The following FZD4 variants were observed in gnomAD, a reference collection of about 807,000 sequenced individuals.
FZD4 encodes frizzled class receptor 4, also known as frizzled-4.
In FZD4, 16 loss-of-function variants were observed where a neutral mutation model predicts 37.3. The observed-to-expected ratio is 0.43, with a 90% CI of 0.29 to 0.65. The LOEUF (loss-of-function observed/expected upper bound fraction) is 0.65. Among genes scored for constraint, FZD4 ranks in the 30% least tolerant of loss-of-function variants. The pLI, the probability that FZD4 is intolerant of heterozygous loss-of-function variation, is 0.16. For missense variants in FZD4, 599 were observed against 674.3 expected (o/e 0.89, Z 1.24); for synonymous variants, 246 against 254.8 (o/e 0.97, Z 0.33).
At position 86,951,620 on chromosome 11, in the gene FZD4, A is replaced by G. The variant is rs762138071; in HGVS notation, c.1136T>C (p.Val379Ala). 6.2e-6 allele frequency: 10 copies of G among 1,614,098 alleles called. No homozygotes were observed. Among genetic ancestry groups the G allele is most frequent in the African/African-American group, 1.3e-5 (1 of 74,936 alleles). ...DADELTGLCYVGNQNLDALTG... is the reference protein window; with the variant it reads ...DADELTGLCYAGNQNLDALTG... The stretch of plus-strand genomic sequence containing the variant: ...GAGGGCATCGAGATTTTGGTTTCCA[A>G]CATAGCACAAGCCAGTCAGTTCATC... Residue 379 changes from valine to alanine, a missense_variant, in exon 2 of 2, where the codon GTT (valine) becomes GCT (alanine). Physicochemically the swap from Val to Ala is moderately conservative, Grantham distance 64. Around this residue, in one of 3 missense-constraint regions of FZD4, gnomAD observed 203 missense variants for 196.8 expected, o/e 1.03. Coordinates refer to ENST00000531380, the MANE Select transcript of FZD4 (RefSeq NM_012193.4).
rs931829874 is a variant in FZD4 at position 86,950,598 on chromosome 11, A to G, written c.*544T>C. The stretch of plus-strand genomic sequence containing the variant: ...TTGGGAGTGCAGTCCACAAAGTTCT[A>G]AACAGCAGACAGCGCACCACAGAAG... On this transcript the variant is annotated 3_prime_UTR_variant, in exon 2 of 2. Coordinates refer to ENST00000531380, the MANE Select transcript of FZD4 (RefSeq NM_012193.4). The G allele has an allele frequency of 5.7e-6, 1 of 175,452 alleles. No homozygotes were observed. Among genetic ancestry groups the G allele is most frequent in the African/African-American group, 2.4e-5 (1 of 41,898 alleles). 10.9% of individuals were successfully genotyped at this position (175,452 alleles called of 1,614,324 possible).
intron 1 of FZD4, among the ~76,000 whole-genome samples, chr11:86,953,608 A>ATTTCT (rs577823166): frequency 1.3e-5 from 2 of 151,564 alleles, no homozygotes; most frequent in South Asian, 2.1e-4. Context: ...AGAACCACAG[A>ATTTCT]TTTCTTTTCT....
Position 86,951,366 on chromosome 11 carries a change from G to A in FZD4, c.1390C>T (p.Leu464Phe), listed in dbSNP as rs1378017266. ...CYFYEISNWA[L>F]FRYSADDSNM... Reference sequence around the variant, plus strand: ...GAATCATCTGCAGAATACCGAAAAAGTGCCCAGTTGGAGATTTCATAAAAA... The same window carrying A: ...GAATCATCTGCAGAATACCGAAAAAATGCCCAGTTGGAGATTTCATAAAAA... The change falls in exon 2 of 2, where the codon CTT (leucine) becomes TTT (phenylalanine). Residue 464 changes from leucine to phenylalanine, a missense_variant. Coordinates refer to ENST00000531380, the MANE Select transcript of FZD4 (RefSeq NM_012193.4). 2.5e-6 allele frequency: 4 copies of A among 1,613,984 alleles called. No individual in the cohort carries two copies. The Admixed American group carries it at 6.7e-5, about 27-fold the overall frequency.
In FZD4 at chr11:86,950,696, T is replaced by C. The variant is rs1171701797; in HGVS notation, c.*446A>G. ...CTGAACCCAGCGTTTCCAGTGTTTA[T>C]AGATTGCTTTGCTATCTGAAAGACC... On this transcript the variant is annotated 3_prime_UTR_variant, in exon 2 of 2. Transcript: ENST00000531380. The C allele has an allele frequency of 4.3e-6, 1 of 232,412 alleles. No individual in the cohort carries two copies. Among genetic ancestry groups the C allele is most frequent in the Admixed American group, 5.1e-5 (1 of 19,418 alleles). 14.4% of individuals were successfully genotyped at this position (232,412 alleles called of 1,614,324 possible).
rs1457711832 is a variant in FZD4 at position 86,955,155 on chromosome 11, G to T, written c.-70C>A. ...GCAGACACCCCCAGTTTGCACGGGG[G>T]CGCCGGCTGCCCGCGCTGCTCCCAG... On this transcript the variant is annotated 5_prime_UTR_variant, in exon 1 of 2. Coordinates refer to ENST00000531380, the MANE Select transcript of FZD4 (RefSeq NM_012193.4). 3.2e-5 allele frequency: 39 copies of T among 1,224,066 alleles called. No homozygotes were observed. Among genetic ancestry groups the T allele is most frequent in the Non-Finnish European group, 3.6e-5 (34 of 934,216 alleles). The allele number at this position is 1,224,066 out of a possible 1,614,324, so 75.8% of individuals were successfully genotyped here.
chr11:86,952,593 T>C (rs1288088123), intron 1 of FZD4, 123 bp from the exon 2 acceptor site: 3 of 1,013,502 alleles, frequency 3.0e-6, no homozygotes, highest in Non-Finnish European at 4.5e-6. Context: ...TAAACCAACC[T>C]ATCGGGAGTC....
At chr11:86,952,601 G>C (rs531400084) in intron 1 of FZD4, 131 bp from the exon 2 acceptor site, 2 of 947,246 alleles carry the variant, frequency 2.1e-6, no homozygotes, top group Non-Finnish European at 3.3e-6. Flanking sequence ...CCTATCGGGA[G>C]TCTGTCTGTT....
intron 1 of FZD4, chr11:86,954,425 G>A (rs528005719): frequency 1.0e-6 from 1 of 985,038 alleles, no homozygotes; most frequent in East Asian, 1.1e-4. Flanking sequence ...GGTGAAGGAT[G>A]GTCTCCTTAT....
In FZD4 at chr11:86,951,732, T is replaced by C. The variant is rs80358293; in HGVS notation, c.1024A>G (p.Met342Val). ...GLKWGHEAIE[M>V]HSSYFHIAAW... The stretch of plus-strand genomic sequence containing the variant: ...GCAATGTGGAAATAAGAGCTGTGCA[T>C]TTCAATGGCTTCATGACCCCATTTG... Residue 342 changes from methionine to valine, a missense_variant, in exon 2 of 2, where the codon ATG becomes GTG. Met to Val is a conservative substitution (Grantham distance 21). Transcript: ENST00000531380. 25 of 1,614,196 alleles carry C rather than the reference T, an allele frequency of 1.5e-5. 1 individual carries two copies. In the East Asian group the frequency reaches 5.3e-4, roughly 35 times the overall value.
At chr11:86,953,060 T>G (rs1026157888) in intron 1 of FZD4, 5 of 152,600 alleles carry the variant, frequency 3.3e-5, no homozygotes, top group African/African-American at 9.7e-5. Flanking sequence ...ACTAGGGATT[T>G]GTTTGGCCAG....
Position 86,955,048 on chromosome 11 carries a change from G to A in FZD4, c.38C>T (p.Ala13Val). The A allele has an allele frequency of 1.2e-6, 2 of 1,603,492 alleles. No homozygotes were observed. Among genetic ancestry groups the A allele is most frequent in the Non-Finnish European group, 1.7e-6 (2 of 1,176,034 alleles). ...CAGACTGAGACCGACGCCCCCGGGC[G>A]CCCCCGGGACGCTCGGCCCTGCGCC... ...WRGAGPSVPG[A>V]PGGVGLSLGL... The change falls in exon 1 of 2, where the codon GCG (alanine) becomes GTG (valine). Residue 13 changes from alanine (A) to valine (V), a missense_variant. Physicochemically the swap from Ala to Val is moderately conservative, Grantham distance 64. Transcript: ENST00000531380.
In FZD4 at chr11:86,954,239, C is replaced by G. The variant is rs2135044423; in HGVS notation, c.285+562G>C. ...CTGCAGCTTCTTCTCACCCTCCAAG[C>G]ATTAAACGTGCCTTCAACTGTGAGG... On this transcript the variant is annotated intron_variant, in intron 1 of 1. Coordinates refer to ENST00000531380, the MANE Select transcript of FZD4 (RefSeq NM_012193.4). 3 of 985,148 alleles carry G rather than the reference C, an allele frequency of 3.0e-6. No homozygotes were observed. In the South Asian group the frequency reaches 1.4e-4, roughly 46 times the overall value. The allele number at this position is 985,148 out of a possible 1,614,324, so 61.0% of individuals were successfully genotyped here. A position where few individuals can be genotyped will look rare whatever the true frequency, so the allele number is the denominator to read the frequency against.
intron 1 of FZD4, 135 bp downstream of exon 1, chr11:86,954,666 G>A: frequency 1.4e-6 from 2 of 1,438,996 alleles, no homozygotes; most frequent in Non-Finnish European, 1.8e-6. Context: ...AAGTGGGGGT[G>A]GGGATGGAAA....
chr11:86,953,328 T>C (rs894949683), intron 1 of FZD4, among the ~76,000 whole-genome samples: 3 of 152,238 alleles, frequency 2.0e-5, no homozygotes, highest in African/African-American at 7.2e-5. Flanking sequence ...ATTAAAAATA[T>C]ATATCCCTGC....
intron 1 of FZD4, among the ~76,000 whole-genome samples, chr11:86,953,071 GT>G (rs1949308024): frequency 6.6e-6 from 1 of 152,154 alleles, no homozygotes; most frequent in African/African-American, 2.4e-5. Flanking sequence ...GTTTGGCCAG[GT>G]TTCCTCAATG....
chr11:86,952,449 C>T lies in FZD4; in HGVS notation c.307G>A (p.Val103Met), dbSNP rs2135042023. The T allele has an allele frequency of 4.3e-6, 7 of 1,613,718 alleles. No homozygotes were observed. The highest frequency in any genetic ancestry group is 2.2e-5 in the East Asian group (1 of 44,878). ...QLQFFLCSVY[V>M]PMCTEKINIP... ...TTGATCTTCTCTGTGCACATTGGCACATAAACAGAACAAAGGAAGAACTGG... is the reference window on the plus strand; with the variant it reads ...TTGATCTTCTCTGTGCACATTGGCATATAAACAGAACAAAGGAAGAACTGG... The change falls in exon 2 of 2, where the codon GTG becomes ATG. Residue 103 changes from valine to methionine, a missense_variant. Coordinates refer to ENST00000531380, the MANE Select transcript of FZD4 (RefSeq NM_012193.4).
In FZD4 at chr11:86,950,298, TCC is replaced by T; in HGVS notation, c.*842_*843del. On this transcript the variant is annotated 3_prime_UTR_variant, in exon 2 of 2. Coordinates refer to ENST00000531380, the MANE Select transcript of FZD4 (RefSeq NM_012193.4). ...TAAGTCAACTTAGTAAATCTCATTT[TCC>T]TCTGAATTAAGTGATTGTCAGAAAG... 6.5e-6 allele frequency: 1 copy of T among 152,826 alleles called. No homozygotes were observed. Among genetic ancestry groups the T allele is most frequent in the South Asian group, 2.1e-4 (1 of 4,826 alleles). The allele number at this position is 152,826 out of a possible 1,614,324, so 9.5% of individuals were successfully genotyped here.
At position 86,951,594 on chromosome 11, in the gene FZD4, T is replaced by A. The variant is rs770501338; in HGVS notation, c.1162A>T (p.Thr388Ser). 3.9e-5 allele frequency: 63 copies of A among 1,614,090 alleles called. No homozygotes were observed. Among genetic ancestry groups the A allele is most frequent in the Non-Finnish European group, 5.3e-5 (62 of 1,179,978 alleles). Residue 388 changes from threonine to serine, a missense_variant, in exon 2 of 2, where the codon ACC becomes TCC. Thr to Ser is a moderately conservative substitution (Grantham distance 58). Around this residue, in one of 3 missense-constraint regions of FZD4, gnomAD observed 203 missense variants for 196.8 expected, o/e 1.03. Coordinates refer to ENST00000531380, the MANE Select transcript of FZD4 (RefSeq NM_012193.4). ...YVGNQNLDAL[T>S]GFVVAPLFTY... ...AAGAGGGGAGCCACCACGAACCCGG[T>A]GAGGGCATCGAGATTTTGGTTTCCA... is the stretch of plus-strand genomic sequence containing the variant.
In FZD4 at chr11:86,952,032, G is replaced by C; in HGVS notation, c.724C>G (p.Leu242Val). Residue 242 changes from leucine (L) to valine (V), a missense_variant, in exon 2 of 2, where the codon CTG becomes GTG. By Grantham distance (32) the Leu-to-Val change is conservative (BLOSUM62 1). Around this residue, in one of 3 missense-constraint regions of FZD4, gnomAD observed 357 missense variants for 396.1 expected, o/e 0.90. Coordinates refer to ENST00000531380, the MANE Select transcript of FZD4 (RefSeq NM_012193.4). ...ISTAFTVLTF[L>V]IDSSRFSYPE... Reference sequence around the variant, plus strand: ...TAGGAAAACCTAGAAGAATCGATCAGGAAGGTCAGTACTGTGAAGGCAGTG... The same window carrying C: ...TAGGAAAACCTAGAAGAATCGATCACGAAGGTCAGTACTGTGAAGGCAGTG... 6.2e-7 allele frequency: 1 copy of C among 1,614,088 alleles called. No homozygotes were observed. Among genetic ancestry groups the C allele is most frequent in the Non-Finnish European group, 8.5e-7 (1 of 1,179,972 alleles).
Sources: allele counts gnomAD v4.1 joint callset (sites outside exome capture counted in the v4.1 genomes callset), GRCh38; gene constraint gnomAD v4.1.1; regional missense constraint gnomAD v4.1.1; transcripts MANE v1.5; gene names NCBI Gene and HGNC (gene_info 2026-07-23, HGNC 2026-07-21).